The following SDK1 variants were observed in gnomAD, a reference collection of about 807,000 sequenced individuals.
The protein encoded by SDK1 is protein sidekick-1.
In SDK1, 157 loss-of-function variants were observed where a neutral mutation model predicts 245.5. That is an observed-to-expected ratio of 0.64 (90% CI 0.56 to 0.73). SDK1 has a LOEUF of 0.73. Ranked by LOEUF, SDK1 falls within the 30% of genes least tolerant of loss-of-function variation. The probability of loss-of-function intolerance (pLI) is 0.00; values close to 1 mark genes in which losing one functional copy is unlikely to be tolerated. For missense variants in SDK1, 3,583 were observed against 3,002.3 expected (o/e 1.19, Z -4.52); for synonymous variants, 1,647 against 1,278.5 (o/e 1.29, Z -6.15).
chr7:3,765,287 A>T (rs1780222671), intron 4 of SDK1, among the ~76,000 whole-genome samples: 1 of 152,196 alleles, frequency 6.6e-6, no homozygotes. Flanking sequence ...CCATTGTATG[A>T]ATATACCACC....
intron 4 of SDK1, among the ~76,000 whole-genome samples, chr7:3,659,568 G>T (rs1055609963): frequency 8.5e-5 from 13 of 152,146 alleles, no homozygotes; most frequent in African/African-American, 3.1e-4. Flanking sequence ...GAGGAGAGTG[G>T]CCCAAAGTGA....
chr7:3,492,446 A>G (rs1056303398), intron 1 of SDK1, among the ~76,000 whole-genome samples: 1 of 152,234 alleles, frequency 6.6e-6, no homozygotes, highest in Non-Finnish European at 1.5e-5. Context: ...GTGAGCCGAG[A>G]TCACGCCACC....
At chr7:3,727,700 G>A (rs1262525783) in intron 4 of SDK1, among the ~76,000 whole-genome samples, 3 of 151,832 alleles carry the variant, frequency 2.0e-5, no homozygotes, top group African/African-American at 4.8e-5. Context: ...CATGTTGGCC[G>A]GGCTGGTCTC....
chr7:4,055,448 G>A (rs1779134475), intron 19 of SDK1, among the ~76,000 whole-genome samples: 1 of 152,082 alleles, frequency 6.6e-6, no homozygotes, highest in Admixed American at 6.6e-5. Flanking sequence ...TCCTGATATT[G>A]ATGATTGGTT....
intron 13 of SDK1, among the ~76,000 whole-genome samples, chr7:3,981,432 G>C (rs888299972): frequency 6.6e-6 from 1 of 151,748 alleles, no homozygotes; most frequent in African/African-American, 2.4e-5. Flanking sequence ...ATGTGAAAGA[G>C]AGGGTTGTAC....
intron 17 of SDK1, among the ~76,000 whole-genome samples, chr7:4,019,881 A>T (rs1002504450): frequency 6.6e-6 from 1 of 151,964 alleles, no homozygotes; most frequent in Non-Finnish European, 1.5e-5. Context: ...TTCCCTTTTA[A>T]GCCTGGTGTG....
chr7:4,138,775 G>GA (rs1338738277), intron 28 of SDK1, among the ~76,000 whole-genome samples: 26 of 149,746 alleles, frequency 1.7e-4, no homozygotes, highest in African/African-American at 4.4e-4. Flanking sequence ...GAGAAAGAAA[G>GA]AAGAAGGAAG....
At chr7:3,389,775 C>T (rs936208023) in intron 1 of SDK1, among the ~76,000 whole-genome samples, 10 of 151,788 alleles carry the variant, frequency 6.6e-5, no homozygotes, top group Admixed American at 2.6e-4. Context: ...AAAAAACTAA[C>T]GTGGAAGTTG....
Position 4,061,460 on chromosome 7 carries a change from A to G in SDK1, c.2912-6378A>G, listed in dbSNP as rs560221408. 7.0e-4 allele frequency among the ~76,000 whole-genome samples: 106 copies of G among 152,202 alleles called. 2 individuals carry two copies. The South Asian group carries it at 0.013, about 18-fold the overall frequency. On this transcript the variant is annotated intron_variant, in intron 19 of 44. Coordinates refer to ENST00000404826, the MANE Select transcript of SDK1 (RefSeq NM_152744.4). ...CCATCTCACACCAGTTAGAATGGCA[A>G]TCATTAAAAAGTCAGGAAACAACAG...
At chr7:3,801,462 T>C (rs1481265281) in intron 4 of SDK1, among the ~76,000 whole-genome samples, 1 of 152,180 alleles carries the variant, frequency 6.6e-6, no homozygotes, top group East Asian at 1.9e-4. Flanking sequence ...GCATTCTGAG[T>C]TCTTACGGCT....
intron 1 of SDK1, among the ~76,000 whole-genome samples, chr7:3,401,993 A>G (rs1341182096): frequency 1.3e-5 from 2 of 152,176 alleles, no homozygotes; most frequent in African/African-American, 2.4e-5. Context: ...CACCTGCTGA[A>G]TATGTACCTT....
At chr7:3,819,457 C>T (rs1779590808) in intron 4 of SDK1, among the ~76,000 whole-genome samples, 1 of 151,528 alleles carries the variant, frequency 6.6e-6, no homozygotes, top group South Asian at 2.1e-4. Context: ...TTTGAAATTA[C>T]TATGGTAAAA....
chr7:3,652,746 G>C (rs186554424), intron 4 of SDK1, among the ~76,000 whole-genome samples: 258 of 152,300 alleles, frequency 1.7e-3, no homozygotes, highest in Non-Finnish European at 3.1e-3. Flanking sequence ...TGGAAGTTCT[G>C]ATGCCACTGT....
intron 16 of SDK1, among the ~76,000 whole-genome samples, chr7:4,012,913 C>G (rs1786107504): frequency 6.6e-6 from 1 of 152,018 alleles, no homozygotes; most frequent in Admixed American, 6.6e-5. Context: ...AAGTTTTCAA[C>G]CAAGGGCATG....
chr7:3,324,468 T>C (rs986704218), intron 1 of SDK1, among the ~76,000 whole-genome samples: 7 of 152,122 alleles, frequency 4.6e-5, no homozygotes, highest in African/African-American at 4.8e-5. Context: ...AAAAAGCCGA[T>C]GTGTAAAATG....
intron 22 of SDK1, among the ~76,000 whole-genome samples, chr7:4,095,794 G>A (rs1348823059): frequency 2.6e-5 from 4 of 152,154 alleles, no homozygotes; most frequent in South Asian, 2.1e-4. Flanking sequence ...GGCTGGTCTC[G>A]AACTTTTGAC....
intron 40 of SDK1, among the ~76,000 whole-genome samples, chr7:4,225,736 G>C (rs627704): frequency 0.31 from 47,169 of 151,926 alleles, 7,731 homozygotes; most frequent in African/African-American, 0.4. Context: ...TCTGAAGTCA[G>C]CTGAGTCTGA....
chr7:4,178,453 G>A (rs769855280), intron 34 of SDK1, 32 bp from the exon 35 acceptor site: 2 of 1,504,716 alleles, frequency 1.3e-6, no homozygotes, highest in South Asian at 2.3e-5. Context: ...GGTCCTGGTG[G>A]AAGCTGATCC....
chr7:4,164,909 T>C (rs1781404848), intron 32 of SDK1, among the ~76,000 whole-genome samples: 1 of 152,226 alleles, frequency 6.6e-6, no homozygotes. Flanking sequence ...TAAATGCTTG[T>C]CAACTGCCAG....
Sources: gnomAD v4.1 joint callset for allele counts (sites outside exome capture counted in the v4.1 genomes callset) on GRCh38, gnomAD v4.1.1 for gene constraint, MANE v1.5 for transcripts, NCBI Gene and HGNC (gene_info 2026-07-23, HGNC 2026-07-21) for gene names.